SLC38A10: variants seen among roughly 807,000 people sequenced by gnomAD.
SLC38A10 encodes solute carrier family 38 member 10.
SLC38A10 carries 53 observed loss-of-function variants against 81.0 expected under a neutral mutation model. The ratio of observed to expected loss-of-function variants is 0.65; its 90% CI spans 0.53 to 0.82. The LOEUF is 0.82. SLC38A10 is among the 40% of genes least tolerant of loss of function. The pLI is 0.00. For synonymous variants in SLC38A10, 665 were observed against 655.3 expected (o/e 1.01, Z -0.23); for missense variants, 1,471 against 1,545.0 (o/e 0.95, Z 0.80).
chr17:81,277,376 C>T lies in SLC38A10; in HGVS notation c.627-243G>A, dbSNP rs1235915942. ...TGCACCATGCGAACATTCCCCAAGG[C>T]TACAGAACGACAGGCTGCTGCTCCA... On this transcript the variant is annotated intron_variant, in intron 6 of 15. Transcript: ENST00000374759. The surrounding 1 kb of genome is among the most constrained non-coding windows in gnomAD (Gnocchi z 4.5). Among the ~76,000 whole-genome samples the T allele has an allele frequency of 6.6e-6, 1 of 152,238 alleles. No individual in the cohort carries two copies. Among genetic ancestry groups the T allele is most frequent in the Admixed American group, 6.5e-5 (1 of 15,290 alleles).
Position 81,283,282 on chromosome 17 carries a change from T to A in SLC38A10, c.357+127A>T. On this transcript the variant is annotated intron_variant, in intron 4 of 15. Coordinates refer to ENST00000374759, the MANE Select transcript of SLC38A10 (RefSeq NM_001037984.3). The surrounding 1 kb of genome is among the most constrained non-coding windows in gnomAD (Gnocchi z 4.7). ...CCCGCACTCCACCAAGCCCCTAGAA[T>A]GACAGCAGGCTCGACAGAAGCTTCT... 1.2e-6 allele frequency: 1 copy of A among 802,372 alleles called. No homozygotes were observed. Among genetic ancestry groups the A allele is most frequent in the Non-Finnish European group, 2.0e-6 (1 of 495,958 alleles). 49.7% of individuals were successfully genotyped at this position (802,372 alleles called of 1,614,324 possible).
intron 11 of SLC38A10, among the ~76,000 whole-genome samples, chr17:81,257,135 T>A (rs1199232897): frequency 6.6e-6 from 1 of 152,164 alleles, no homozygotes; most frequent in Non-Finnish European, 1.5e-5. Flanking sequence ...GTTTTCTTTT[T>A]AAGAGACAGG....
In SLC38A10 at chr17:81,277,913, G is replaced by A. The variant is rs753144876; in HGVS notation, c.627-780C>T. On this transcript the variant is annotated intron_variant, in intron 6 of 15. Coordinates refer to ENST00000374759, the MANE Select transcript of SLC38A10 (RefSeq NM_001037984.3). The surrounding 1 kb of genome is among the most constrained non-coding windows in gnomAD (Gnocchi z 4.5). ...GCACAGGTGAGAGCTGCTCTGCCAT[G>A]GGGCTGAACGAGGACTCTGGAGTGG... 1.3e-5 allele frequency among the ~76,000 whole-genome samples: 2 copies of A among 152,208 alleles called. No homozygotes were observed. The highest frequency in any genetic ancestry group is 6.5e-5 in the Admixed American group (1 of 15,290).
At position 81,286,294 on chromosome 17, in the gene SLC38A10, C is replaced by T. The variant is rs905709378; in HGVS notation, c.218-1399G>A. 1.3e-5 allele frequency among the ~76,000 whole-genome samples: 2 copies of T among 152,186 alleles called. No homozygotes were observed. The highest frequency in any genetic ancestry group is 2.4e-5 in the African/African-American group (1 of 41,442). Reference sequence around the variant, plus strand: ...GAGCGCACCTTGCCCAAGAAGGTTCCGGAATATGCCTGCCACTGGCAAGGG... The same window carrying T: ...GAGCGCACCTTGCCCAAGAAGGTTCTGGAATATGCCTGCCACTGGCAAGGG... On this transcript the variant is annotated intron_variant, in intron 2 of 15. Transcript: ENST00000374759. This position sits in a 1 kb window ranked among gnomAD's most constrained non-coding sequence, Gnocchi z 6.0.
At chr17:81,261,474 A>G (rs1021114034) in intron 10 of SLC38A10, among the ~76,000 whole-genome samples, 7 of 152,378 alleles carry the variant, frequency 4.6e-5, no homozygotes, top group South Asian at 2.1e-4. Context: ...GCCAGAACTC[A>G]AAATCCTTTT....
At position 81,260,228 on chromosome 17, in the gene SLC38A10, G is replaced by C; in HGVS notation, c.1288+10C>G. The C allele has an allele frequency of 6.3e-7, 1 of 1,595,886 alleles. No homozygotes were observed. On this transcript the variant is annotated intron_variant, in intron 11 of 15. Coordinates refer to ENST00000374759, the MANE Select transcript of SLC38A10 (RefSeq NM_001037984.3). ...CCCTGAGAAGGCTCAGAGAGCCAGGGTGGGCATACCTGAGAGCCGCGCTGC... is the reference window on the plus strand; with the variant it reads ...CCCTGAGAAGGCTCAGAGAGCCAGGCTGGGCATACCTGAGAGCCGCGCTGC...
chr17:81,253,343 CA>C lies in SLC38A10; in HGVS notation c.1289-104del, dbSNP rs144230169. ...ATATTTTCCAGCCAAATGGCAGAGT[CA>C]AAGCAGTTTCTTTTTCCTGTTCGAT... On this transcript the variant is annotated intron_variant, in intron 11 of 15. Coordinates refer to ENST00000374759, the MANE Select transcript of SLC38A10 (RefSeq NM_001037984.3). The surrounding 1 kb of genome is among the most constrained non-coding windows in gnomAD (Gnocchi z 4.1). 21,818 of 1,391,418 alleles carry C rather than the reference CA, an allele frequency of 0.016. 374 individuals are homozygous for C. Among genetic ancestry groups the C allele is most frequent in the African/African-American group, 0.081 (5,646 of 69,474 alleles). The allele number at this position is 1,391,418 out of a possible 1,614,324, so 86.2% of individuals were successfully genotyped here.
rs145277088 is a variant in SLC38A10, at chr17:81,276,538, C to T, written c.730-387G>A. Reference sequence around the variant, plus strand: ...TCCCGAGTAGCCGGGTTTACATGCACGTGCCACCATGCCCAGCTAATTTTT... The same window carrying T: ...TCCCGAGTAGCCGGGTTTACATGCATGTGCCACCATGCCCAGCTAATTTTT... On this transcript the variant is annotated intron_variant, in intron 7 of 15. Coordinates refer to ENST00000374759, the MANE Select transcript of SLC38A10 (RefSeq NM_001037984.3). The surrounding 1 kb of genome is among the most constrained non-coding windows in gnomAD (Gnocchi z 4.7). 5.3e-5 allele frequency among the ~76,000 whole-genome samples: 8 copies of T among 152,158 alleles called. No homozygotes were observed. The South Asian group carries it at 6.2e-4, about 12-fold the overall frequency.
chr17:81,271,339 G>A (rs2063114135), intron 9 of SLC38A10, among the ~76,000 whole-genome samples: 1 of 152,202 alleles, frequency 6.6e-6, no homozygotes, highest in African/African-American at 2.4e-5. Context: ...CCTGCCTGCT[G>A]CTCCATGAGT....
At position 81,288,671 on chromosome 17, in the gene SLC38A10, A is replaced by C. The variant is rs1459043247; in HGVS notation, c.217+1020T>G. On this transcript the variant is annotated intron_variant, in intron 2 of 15. Coordinates refer to ENST00000374759, the MANE Select transcript of SLC38A10 (RefSeq NM_001037984.3). The surrounding 1 kb of genome is among the most constrained non-coding windows in gnomAD (Gnocchi z 5.4). Reference sequence around the variant, plus strand: ...TTCTCTCCTGGCTGAAACAGCATTAAAGCAAGAAAGAACTAAGGGAAACAA... The same window carrying C: ...TTCTCTCCTGGCTGAAACAGCATTACAGCAAGAAAGAACTAAGGGAAACAA... 6.6e-6 allele frequency: 1 copy of C among 152,362 alleles called. No homozygotes were observed. The highest frequency in any genetic ancestry group is 1.5e-5 in the Non-Finnish European group (1 of 68,086). 9.4% of individuals were successfully genotyped at this position (152,362 alleles called of 1,614,324 possible).
intron 14 of SLC38A10, chr17:81,247,663 CAAAAACAA>C (rs1438728632): frequency 7.7e-6 from 1 of 130,668 alleles, no homozygotes. Flanking sequence ...CCCATCTCCA[CAAAAACAA>C]AAAAAACAAA....
Position 81,253,205 on chromosome 17 carries a change from G to C in SLC38A10, c.1324C>G (p.Arg442Gly), listed in dbSNP as rs764911435. ...DPVVAVAEDG[R>G]EKPKLPKERE... ...TCCTTCGGCAGCTTCGGCTTCTCCC[G>C]GCCATCCTCAGCCACGGCCACAACC... Residue 442 changes from arginine (R) to glycine (G), a missense_variant, in exon 12 of 16, where the codon CGG becomes GGG. Arg to Gly is a moderately radical substitution (Grantham distance 125). Around this residue, in one of 2 missense-constraint regions of SLC38A10, gnomAD observed 720 missense variants for 827.7 expected, o/e 0.87. Transcript: ENST00000374759. The surrounding 1 kb of genome is among the most constrained non-coding windows in gnomAD (Gnocchi z 4.1). 1.2e-6 allele frequency: 2 copies of C among 1,613,400 alleles called. No individual in the cohort carries two copies. Among genetic ancestry groups the C allele is most frequent in the Non-Finnish European group, 1.7e-6 (2 of 1,180,018 alleles).
At chr17:81,292,017 CAGCACATCTAA>C (rs1350754914) in intron 1 of SLC38A10, among the ~76,000 whole-genome samples, 1 of 152,140 alleles carries the variant, frequency 6.6e-6, no homozygotes, top group Non-Finnish European at 1.5e-5. Context: ...AATTCATCAA[CAGCACATCTAA>C]AGAAGTGTGT....
intron 11 of SLC38A10, among the ~76,000 whole-genome samples, chr17:81,258,430 G>C: frequency 6.6e-6 from 1 of 152,188 alleles, no homozygotes; most frequent in Non-Finnish European, 1.5e-5. Context: ...GCCTCGGAGG[G>C]CACCAGGTGA....
At chr17:81,256,658 A>G (rs2062975546) in intron 11 of SLC38A10, among the ~76,000 whole-genome samples, 2 of 152,232 alleles carry the variant, frequency 1.3e-5, no homozygotes, top group Non-Finnish European at 2.9e-5. Flanking sequence ...GGTGAGAACA[A>G]TGGCCGCTGA....
chr17:81,284,579 G>A (rs912503150), intron 3 of SLC38A10, among the ~76,000 whole-genome samples: 5 of 152,156 alleles, frequency 3.3e-5, no homozygotes, highest in Admixed American at 6.5e-5. Context: ...TTTATGCAGC[G>A]GTGTTTGAGG....
In SLC38A10 at chr17:81,253,380, T is replaced by C. The variant is rs1344103338; in HGVS notation, c.1289-140A>G. On this transcript the variant is annotated intron_variant, in intron 11 of 15. Coordinates refer to ENST00000374759, the MANE Select transcript of SLC38A10 (RefSeq NM_001037984.3). This position sits in a 1 kb window ranked among gnomAD's most constrained non-coding sequence, Gnocchi z 4.1. ...TTTTTCCTGTTCGATCATTAGCAGCTAAGTAGCACAGAAAACTGTCATTTT... is the reference window on the plus strand; with the variant it reads ...TTTTTCCTGTTCGATCATTAGCAGCCAAGTAGCACAGAAAACTGTCATTTT... 2 of 1,030,152 alleles carry C rather than the reference T, an allele frequency of 1.9e-6. No homozygotes were observed. Among genetic ancestry groups the C allele is most frequent in the Non-Finnish European group, 2.7e-6 (2 of 727,346 alleles). The allele number at this position is 1,030,152 out of a possible 1,614,324, so 63.8% of individuals were successfully genotyped here.
chr17:81,245,955 C>T lies in SLC38A10; in HGVS notation c.2961G>A (p.Lys987=). 1 of 1,604,820 alleles carries T rather than the reference C, an allele frequency of 6.2e-7. No individual in the cohort carries two copies. Among genetic ancestry groups the T allele is most frequent in the South Asian group, 1.1e-5 (1 of 90,458 alleles). The change falls in exon 16 of 16, where the codon AAG becomes AAA. Residue 987 remains lysine, a synonymous_variant. Coordinates refer to ENST00000374759, the MANE Select transcript of SLC38A10 (RefSeq NM_001037984.3). ...LDHGGHLEMR[K]ARGGDHVPVS... ...CAGGCACATGGTCCCCCCCGCGGGC[C>T]TTTCTCATCTCCAGGTGACCGCCAT... is the stretch of plus-strand genomic sequence containing the variant.
In SLC38A10 at chr17:81,245,727, C is replaced by A. The variant is rs764572675; in HGVS notation, c.3189G>T (p.Gln1063His). The change falls in exon 16 of 16, where the codon CAG (glutamine) becomes CAT (histidine). Residue 1063 changes from glutamine (Q) to histidine (H), a missense_variant. Gln to His is a conservative substitution (Grantham distance 24). Around this residue, in one of 2 missense-constraint regions of SLC38A10, gnomAD observed 751 missense variants for 717.4 expected, o/e 1.05. Transcript: ENST00000374759. ...TGATGACCCCATCCCTCGGGGCCAG[C>A]TGACCCTCTGCATGAGGGCCAAGGT... is the stretch of plus-strand genomic sequence containing the variant. ...RRDLGPHAEGQLAPRDGVIIG... is the reference protein window; with the variant it reads ...RRDLGPHAEGHLAPRDGVIIG... 2 of 1,598,036 alleles carry A rather than the reference C, an allele frequency of 1.3e-6. No individual in the cohort carries two copies. Among genetic ancestry groups the A allele is most frequent in the South Asian group, 1.1e-5 (1 of 90,378 alleles).
Sources: gnomAD v4.1 joint callset for allele counts (sites outside exome capture counted in the v4.1 genomes callset) on GRCh38, gnomAD v4.1.1 for gene constraint, gnomAD v4.1.1 regional missense constraint, Gnocchi (gnomAD v3.1) non-coding constraint, MANE v1.5 for transcripts, NCBI Gene and HGNC (gene_info 2026-07-23, HGNC 2026-07-21) for gene names.